SPECC1L: variants seen among roughly 807,000 people sequenced by gnomAD.
The protein encoded by SPECC1L is cytospin-A.
In SPECC1L, 40 loss-of-function variants were observed where a neutral mutation model predicts 116.8. That is an observed-to-expected ratio of 0.34 (90% confidence interval 0.27 to 0.45). The LOEUF (loss-of-function observed/expected upper bound fraction) is 0.45, where lower values mean the gene tolerates loss of function less well. SPECC1L is among the 20% of genes least tolerant of loss of function. The probability of loss-of-function intolerance (pLI) is 1.00; values close to 1 mark genes in which losing one functional copy is unlikely to be tolerated. For synonymous variants in SPECC1L, 504 were observed against 500.6 expected (o/e 1.01, Z -0.09); for missense variants, 1,110 against 1,373.6 (o/e 0.81, Z 3.03).
At chr22:24,281,705 A>G (rs1164383895) in intron 2 of SPECC1L, among the ~76,000 whole-genome samples, 1 of 152,216 alleles carries the variant, frequency 6.6e-6, no homozygotes, top group Non-Finnish European at 1.5e-5. Flanking sequence ...TCCATTGGCT[A>G]TTCTGTCAAT....
intron 14 of SPECC1L, among the ~76,000 whole-genome samples, chr22:24,399,475 C>T (rs2042428903): frequency 1.3e-5 from 2 of 151,942 alleles, no homozygotes; most frequent in Admixed American, 1.3e-4. Flanking sequence ...GAGGCTGAGG[C>T]AGGAGAATGG....
At chr22:24,276,414 C>T (rs193045774) in intron 1 of SPECC1L, among the ~76,000 whole-genome samples, 40 of 152,110 alleles carry the variant, frequency 2.6e-4, no homozygotes, top group South Asian at 1.7e-3. Context: ...GCCTGGGCTA[C>T]GAAGCGAGAC....
chr22:24,387,789 G>C (rs2042188651), intron 14 of SPECC1L, among the ~76,000 whole-genome samples: 1 of 152,052 alleles, frequency 6.6e-6, no homozygotes, highest in South Asian at 2.1e-4. Context: ...GAATTGTATT[G>C]GTTAGAAGTC....
intron 11 of SPECC1L, among the ~76,000 whole-genome samples, chr22:24,354,626 A>T (rs916353079): frequency 2.0e-5 from 3 of 149,102 alleles, no homozygotes; most frequent in African/African-American, 7.4e-5. Context: ...TTTTTCCTGC[A>T]CCAGCCCTGG....
At chr22:24,376,165 A>G (rs1260902345) in intron 14 of SPECC1L, among the ~76,000 whole-genome samples, 1 of 152,174 alleles carries the variant, frequency 6.6e-6, no homozygotes, top group African/African-American at 2.4e-5. Context: ...AAGTAAAATG[A>G]TCTCTATTTG....
At position 24,363,360 on chromosome 22, in the gene SPECC1L, T is replaced by A; in HGVS notation, c.2827+16T>A. The A allele has an allele frequency of 6.2e-7, 1 of 1,608,286 alleles. No individual in the cohort carries two copies. Among genetic ancestry groups the A allele is most frequent in the Admixed American group, 1.7e-5 (1 of 60,010 alleles). The stretch of plus-strand genomic sequence containing the variant: ...ACCCTCTCAGGTGATGACTTTCATC[T>A]GAATTTTTGTTGTATTTGTTGTTTT... On this transcript the variant is annotated intron_variant, in intron 12 of 16. Transcript: ENST00000314328.
intron 2 of SPECC1L, among the ~76,000 whole-genome samples, chr22:24,301,789 G>A (rs6004124): frequency 0.079 from 12,095 of 152,200 alleles, 925 homozygotes; most frequent in African/African-American, 0.19. Flanking sequence ...GCTCACGCCT[G>A]TAATCCCAGC....
intron 3 of SPECC1L, among the ~76,000 whole-genome samples, chr22:24,309,770 G>A (rs1176549442): frequency 6.6e-6 from 1 of 152,048 alleles, no homozygotes; most frequent in Non-Finnish European, 1.5e-5. Context: ...ATACTACCGT[G>A]GTGAAAAAAT....
intron 11 of SPECC1L, among the ~76,000 whole-genome samples, chr22:24,356,651 G>A (rs949698016): frequency 6.6e-6 from 1 of 151,868 alleles, no homozygotes; most frequent in Non-Finnish European, 1.5e-5. Context: ...GACCATTCTC[G>A]TTTAATATGA....
At chr22:24,276,399 C>A (rs2048838599) in intron 1 of SPECC1L, among the ~76,000 whole-genome samples, 3 of 152,088 alleles carry the variant, frequency 2.0e-5, no homozygotes, top group Admixed American at 2.0e-4. Context: ...CACCACTGTT[C>A]TCCAGCCTGG....
intron 14 of SPECC1L, among the ~76,000 whole-genome samples, chr22:24,369,988 A>G (rs1437525019): frequency 2.0e-5 from 3 of 152,210 alleles, no homozygotes; most frequent in Non-Finnish European, 4.4e-5. Flanking sequence ...TGCAGCTGGT[A>G]CTCTTGATTG....
rs1307356231 is a variant in SPECC1L at position 24,415,674 on chromosome 22, C to A, written c.*1051C>A. 6.6e-6 allele frequency: 1 copy of A among 152,478 alleles called. No homozygotes were observed. Among genetic ancestry groups the A allele is most frequent in the African/African-American group, 2.4e-5 (1 of 41,444 alleles). 9.4% of individuals were successfully genotyped at this position (152,478 alleles called of 1,614,324 possible). Reference sequence around the variant, plus strand: ...AGTTAAAGAAAGTGCCTTAACTCTTCTTGTGAGGGCAGCCACTGCCCTCCG... The same window carrying A: ...AGTTAAAGAAAGTGCCTTAACTCTTATTGTGAGGGCAGCCACTGCCCTCCG... On this transcript the variant is annotated 3_prime_UTR_variant, in exon 17 of 17. Coordinates refer to ENST00000314328, the MANE Select transcript of SPECC1L (RefSeq NM_015330.6).
intron 2 of SPECC1L, among the ~76,000 whole-genome samples, chr22:24,295,560 A>G (rs1391217221): frequency 1.3e-5 from 2 of 152,114 alleles, no homozygotes; most frequent in Non-Finnish European, 2.9e-5. Flanking sequence ...TTTAATACAT[A>G]TTGATCTAGA....
rs1000572503 is a variant in SPECC1L, at chr22:24,333,667, G to GCCAGTATAAATTAATATTATA, written c.2397-721_2397-701dup. 2.6e-5 allele frequency among the ~76,000 whole-genome samples: 4 copies of GCCAGTATAAATTAATATTATA among 151,532 alleles called. No homozygotes were observed. In the South Asian group the frequency reaches 6.3e-4, roughly 24 times the overall value. On this transcript the variant is annotated intron_variant, in intron 8 of 16. Coordinates refer to ENST00000314328, the MANE Select transcript of SPECC1L (RefSeq NM_015330.6). Reference sequence around the variant, plus strand: ...GGCTAAGCATGATGTATTAGCTGGAGCCAGTATAAATTAATATTATACCAG... The same window carrying GCCAGTATAAATTAATATTATA: ...GGCTAAGCATGATGTATTAGCTGGAGCCAGTATAAATTAATATTATACCAGTATAAATTAATATTATACCAG...
chr22:24,285,438 A>T (rs1005716337), intron 2 of SPECC1L, among the ~76,000 whole-genome samples: 3 of 152,200 alleles, frequency 2.0e-5, no homozygotes, highest in African/African-American at 7.2e-5. Flanking sequence ...CCAGAGCCAG[A>T]TAACTAATAA....
At chr22:24,406,017 G>T (rs1048539599) in intron 14 of SPECC1L, among the ~76,000 whole-genome samples, 12 of 152,126 alleles carry the variant, frequency 7.9e-5, no homozygotes, top group African/African-American at 2.7e-4. Context: ...ACTGGTGGTG[G>T]TGAGTTGTTT....
intron 4 of SPECC1L, among the ~76,000 whole-genome samples, chr22:24,318,913 G>T (rs2040661156): frequency 6.7e-6 from 1 of 149,056 alleles, no homozygotes; most frequent in Admixed American, 6.7e-5. Flanking sequence ...GGGTGACAGA[G>T]CCTCAAAAAA....
intron 2 of SPECC1L, among the ~76,000 whole-genome samples, chr22:24,289,310 C>G (rs138516475): frequency 5.3e-5 from 8 of 152,314 alleles, no homozygotes; most frequent in Middle Eastern, 3.4e-3. Context: ...TGTACTGTTG[C>G]CAGACATTCT....
At chr22:24,314,820 A>C (rs2040529986) in intron 4 of SPECC1L, among the ~76,000 whole-genome samples, 1 of 152,226 alleles carries the variant, frequency 6.6e-6, no homozygotes, top group South Asian at 2.1e-4. Flanking sequence ...TGGTGTGTCC[A>C]CCCATCAGGA....
Sources: allele counts gnomAD v4.1 joint callset (sites outside exome capture counted in the v4.1 genomes callset), GRCh38; gene constraint gnomAD v4.1.1; transcripts MANE v1.5; gene names NCBI Gene and HGNC (gene_info 2026-07-23, HGNC 2026-07-21).